The following SH3PXD2A variants were observed in gnomAD, a reference collection of about 807,000 sequenced individuals.
The protein encoded by SH3PXD2A is SH3 and PX domain-containing protein 2A.
In SH3PXD2A, 32 loss-of-function variants were observed where a neutral mutation model predicts 115.2. The ratio of observed to expected loss-of-function variants is 0.28; its 90% CI spans 0.21 to 0.37. SH3PXD2A has a LOEUF of 0.37. Among genes scored for constraint, SH3PXD2A ranks in the 10% least tolerant of loss-of-function variants. The pLI, the probability that SH3PXD2A is intolerant of heterozygous loss-of-function variation, is 1.00. For missense variants in SH3PXD2A, 1,328 were observed against 1,498.7 expected, an observed-to-expected ratio of 0.89 and a Z score of 1.88; for synonymous variants, 610 against 629.1, an observed-to-expected ratio of 0.97 and a Z score of 0.45.
At chr10:103,816,106 G>A (rs772093607) in intron 1 of SH3PXD2A, among the ~76,000 whole-genome samples, 10 of 152,002 alleles carry the variant, frequency 6.6e-5, no homozygotes, top group Non-Finnish European at 1.2e-4. Flanking sequence ...CACTAATACC[G>A]TATTGCATGC....
chr10:103,834,434 C>G (rs1261965788), intron 1 of SH3PXD2A, among the ~76,000 whole-genome samples: 1 of 152,188 alleles, frequency 6.6e-6, no homozygotes, highest in East Asian at 1.9e-4. Flanking sequence ...GTGGTGGTCA[C>G]AGGTGATGGC....
chr10:103,695,499 C>A (rs1592305686), intron 5 of SH3PXD2A, among the ~76,000 whole-genome samples: 2 of 148,134 alleles, frequency 1.4e-5, no homozygotes, highest in African/African-American at 5.1e-5. Flanking sequence ...ACAAGTGAGA[C>A]TCTGTCTCAA....
chr10:103,718,601 CCAT>C (rs1564872210), intron 5 of SH3PXD2A, among the ~76,000 whole-genome samples: 3 of 152,220 alleles, frequency 2.0e-5, no homozygotes, highest in Admixed American at 1.3e-4. Flanking sequence ...CTTCGCTTCC[CCAT>C]CTGCTAAATG....
At chr10:103,771,551 C>T (rs1564885125) in intron 2 of SH3PXD2A, among the ~76,000 whole-genome samples, 2 of 152,006 alleles carry the variant, frequency 1.3e-5, no homozygotes, top group Non-Finnish European at 2.9e-5. Flanking sequence ...TAGGAGTTCA[C>T]AGACCAGCCT....
intron 1 of SH3PXD2A, among the ~76,000 whole-genome samples, chr10:103,814,303 C>T (rs2039301498): frequency 1.3e-5 from 2 of 152,174 alleles, no homozygotes; most frequent in Admixed American, 1.3e-4. Context: ...GGTCAGAGTC[C>T]AGCCCTTCTC....
At chr10:103,826,329 C>T (rs1044502518) in intron 1 of SH3PXD2A, among the ~76,000 whole-genome samples, 2 of 152,116 alleles carry the variant, frequency 1.3e-5, no homozygotes, top group Admixed American at 6.5e-5. Context: ...CAGAGAGGTT[C>T]GGTGACTTGC....
chr10:103,668,483 G>A (rs1470879705), intron 7 of SH3PXD2A, 125 bp downstream of exon 7: 1 of 843,790 alleles, frequency 1.2e-6, no homozygotes, highest in Non-Finnish European at 1.9e-6. Context: ...CAGACCCCCT[G>A]CCATGCTGGC....
In SH3PXD2A at chr10:103,620,395, C is replaced by T. The variant is rs1399127245; in HGVS notation, c.802+2075G>A. On this transcript the variant is annotated intron_variant, in intron 10 of 14. Transcript: ENST00000369774. This position sits in a 1 kb window ranked among gnomAD's most constrained non-coding sequence, Gnocchi z 5.3. ...TCCTGTAGTTTCCAAACCACAGAAG[C>T]CTCCTCTTCCCCAACACTTTCCCCT... Among the ~76,000 whole-genome samples, 2 of 152,170 alleles carry T rather than the reference C, an allele frequency of 1.3e-5. No individual in the cohort carries two copies. The highest frequency in any genetic ancestry group is 6.5e-5 in the Admixed American group (1 of 15,282).
At chr10:103,735,681 C>T (rs1015191612) in intron 4 of SH3PXD2A, 51 bp downstream of exon 4, 2 of 1,390,536 alleles carry the variant, frequency 1.4e-6, no homozygotes, top group Admixed American at 3.3e-5. Context: ...GGCCCCTCTC[C>T]TCCCTGAAGC....
intron 5 of SH3PXD2A, among the ~76,000 whole-genome samples, chr10:103,719,539 A>C (rs918303172): frequency 9.2e-5 from 14 of 152,050 alleles, no homozygotes; most frequent in Non-Finnish European, 1.9e-4. Flanking sequence ...TGGGACATGC[A>C]CTGTTCTGGG....
intron 5 of SH3PXD2A, among the ~76,000 whole-genome samples, chr10:103,712,655 C>T (rs1044041282): frequency 1.3e-5 from 2 of 152,244 alleles, no homozygotes; most frequent in Non-Finnish European, 2.9e-5. Context: ...AGCAGGAAAC[C>T]TGGGTTCCCC....
intron 13 of SH3PXD2A, among the ~76,000 whole-genome samples, chr10:103,608,284 C>T (rs1338752178): frequency 1.3e-5 from 2 of 150,210 alleles, no homozygotes; most frequent in Non-Finnish European, 1.5e-5. Flanking sequence ...CCTCCTCCCA[C>T]GCCTTCCCAG....
intron 8 of SH3PXD2A, among the ~76,000 whole-genome samples, chr10:103,642,377 A>C (rs1312254895): frequency 1.3e-5 from 2 of 152,218 alleles, no homozygotes; most frequent in Admixed American, 1.3e-4. Flanking sequence ...TCGAACATCA[A>C]ACTGAGATAA....
At chr10:103,710,094 C>CAAAAAAAAAAAAA (rs143663780) in intron 5 of SH3PXD2A, among the ~76,000 whole-genome samples, 3 of 123,068 alleles carry the variant, frequency 2.4e-5, no homozygotes, top group African/African-American at 9.2e-5. Context: ...GACTCCATCT[C>CAAAAAAAAAAAAA]AAAAAAAAAA....
chr10:103,837,221 T>C (rs2039553581), intron 1 of SH3PXD2A, among the ~76,000 whole-genome samples: 1 of 152,194 alleles, frequency 6.6e-6, no homozygotes, highest in Middle Eastern at 3.2e-3. Flanking sequence ...CAAACAAGTT[T>C]CTTATCTGAC....
chr10:103,763,575 C>T (rs2038722921), intron 3 of SH3PXD2A, among the ~76,000 whole-genome samples: 2 of 152,244 alleles, frequency 1.3e-5, no homozygotes, highest in South Asian at 4.1e-4. Context: ...CAGCAGGGTC[C>T]CTTCAGACAC....
intron 8 of SH3PXD2A, among the ~76,000 whole-genome samples, chr10:103,632,841 A>G (rs1481226704): frequency 1.2e-5 from 1 of 81,830 alleles, no homozygotes; most frequent in Non-Finnish European, 2.3e-5. Flanking sequence ...GGGCATGGTG[A>G]TGTGTGCCTG....
At chr10:103,764,099 C>T (rs906659159) in intron 3 of SH3PXD2A, among the ~76,000 whole-genome samples, 1 of 152,228 alleles carries the variant, frequency 6.6e-6, no homozygotes, top group Non-Finnish European at 1.5e-5. Flanking sequence ...CACTGCCCTT[C>T]TCTGACACCC....
intron 5 of SH3PXD2A, among the ~76,000 whole-genome samples, chr10:103,719,044 C>T (rs1322243530): frequency 1.3e-5 from 2 of 152,224 alleles, no homozygotes; most frequent in African/African-American, 4.8e-5. Flanking sequence ...CCTCACCAGA[C>T]ACTGAATCTG....
Sources: gnomAD v4.1 joint callset for allele counts (sites outside exome capture counted in the v4.1 genomes callset) on GRCh38, gnomAD v4.1.1 for gene constraint, Gnocchi (gnomAD v3.1) non-coding constraint, MANE v1.5 for transcripts, NCBI Gene and HGNC (gene_info 2026-07-23, HGNC 2026-07-21) for gene names.